EML6: variants seen among roughly 807,000 people sequenced by gnomAD.
The protein encoded by EML6 is EMAP like 6, also known as echinoderm microtubule-associated protein-like 6.
Under a neutral mutation model 240.1 loss-of-function variants are expected in EML6, and 154 were observed. That is an observed-to-expected ratio of 0.64 (90% CI 0.56 to 0.73). EML6 has a LOEUF of 0.73. Among genes scored for constraint, EML6 ranks in the 30% least tolerant of loss-of-function variants. EML6 has a pLI of 0.00. For missense variants in EML6, 2,964 were observed against 2,474.6 expected, an observed-to-expected ratio of 1.20 and a Z score of -4.20; for synonymous variants, 1,148 against 899.0, an observed-to-expected ratio of 1.28 and a Z score of -4.95.
chr2:54,806,027 TTC>T lies in EML6; in HGVS notation c.198-7203_198-7202del, dbSNP rs536477455. Among the ~76,000 whole-genome samples the T allele has an allele frequency of 1.4e-4, 22 of 152,336 alleles. No homozygotes were observed. In the South Asian group the frequency reaches 4.6e-3, roughly 32 times the overall value. ...TTGTATGTCTATCCTTATAGCAATA[TTC>T]TGTCTTAATTCCTTTTAATAAAGAC... is the stretch of plus-strand genomic sequence containing the variant. On this transcript the variant is annotated intron_variant, in intron 2 of 41. Coordinates refer to ENST00000356458, the MANE Select transcript of EML6 (RefSeq NM_001039753.4).
At chr2:54,788,159 C>A (rs1369968819) in intron 2 of EML6, among the ~76,000 whole-genome samples, 3 of 152,338 alleles carry the variant, frequency 2.0e-5, no homozygotes, top group East Asian at 1.9e-4. Flanking sequence ...AGGCTTAGGT[C>A]GCCAGGTTCT....
intron 2 of EML6, among the ~76,000 whole-genome samples, chr2:54,752,952 C>A (rs1345847523): frequency 6.6e-6 from 1 of 152,188 alleles, no homozygotes; most frequent in Non-Finnish European, 1.5e-5. Context: ...CCACACCCAG[C>A]TAATTTTTGG....
At position 54,765,049 on chromosome 2, in the gene EML6, A is replaced by AT. The variant is rs370809295; in HGVS notation, c.197+39800dup. Among the ~76,000 whole-genome samples, 101 of 151,504 alleles carry AT rather than the reference A, an allele frequency of 6.7e-4. 1 individual carries two copies. Among genetic ancestry groups the AT allele is most frequent in the Non-Finnish European group, 1.3e-3 (85 of 67,834 alleles). The stretch of plus-strand genomic sequence containing the variant: ...TTTCCTCTCTTTTGCCTACATTAGA[A>AT]TTTTTTTTTCTTTATTTCCCACTTT... On this transcript the variant is annotated intron_variant, in intron 2 of 41. Transcript: ENST00000356458.
rs114857984 is a variant in EML6 at position 54,792,447 on chromosome 2, C to T, written c.198-20785C>T. On this transcript the variant is annotated intron_variant, in intron 2 of 41. Transcript: ENST00000356458. ...GGCATCCGATGCCCCTGCAATCTCA[C>T]TCCTAGATATCTGACCAAGTGGAAA... 3.4e-3 allele frequency among the ~76,000 whole-genome samples: 515 copies of T among 152,332 alleles called. 3 individuals are homozygous for T. The highest frequency in any genetic ancestry group is 4.6e-3 in the Non-Finnish European group (315 of 68,036).
Position 54,895,375 on chromosome 2 carries a change from G to C in EML6, c.2957G>C (p.Ser986Thr). ...GGAGAGATTCTGGAAATTGATAAGA[G>C]TGGCCCAATGACACTGCTTGTTCAG... ...KNGEILEIDK[S>T]GPMTLLVQGH... is the part of the protein sequence containing the mutation. The change falls in exon 21 of 42, where the codon AGT (serine) becomes ACT (threonine). Residue 986 changes from serine (S) to threonine (T), a missense_variant. Ser to Thr is a moderately conservative substitution (Grantham distance 58). Transcript: ENST00000356458. 6.4e-7 allele frequency: 1 copy of C among 1,552,018 alleles called. No individual in the cohort carries two copies. Among genetic ancestry groups the C allele is most frequent in the Non-Finnish European group, 8.7e-7 (1 of 1,146,986 alleles).
intron 28 of EML6, among the ~76,000 whole-genome samples, chr2:54,937,615 A>C: frequency 6.7e-6 from 1 of 148,320 alleles, no homozygotes; most frequent in South Asian, 2.1e-4. Context: ...CTTAAATTAT[A>C]TTGCCTTAGC....
chr2:54,848,722 G>A (rs1212843918), intron 9 of EML6, among the ~76,000 whole-genome samples: 1 of 152,154 alleles, frequency 6.6e-6, no homozygotes, highest in Non-Finnish European at 1.5e-5. Flanking sequence ...CCTGCTAGTT[G>A]TCATAATCCT....
intron 7 of EML6, among the ~76,000 whole-genome samples, chr2:54,840,634 G>A (rs1669394675): frequency 6.6e-6 from 1 of 152,120 alleles, no homozygotes; most frequent in Non-Finnish European, 1.5e-5. Flanking sequence ...TAACAAGGGT[G>A]GTATCTTTTA....
rs569112439 is a variant in EML6 at position 54,961,035 on chromosome 2, C to T, written c.4968+701C>T. ...TAAGAATTTGCTTTCTAGATGCTGT[C>T]CATGAAAAAGGCAAACTGGATATGG... On this transcript the variant is annotated intron_variant, in intron 35 of 41. Coordinates refer to ENST00000356458, the MANE Select transcript of EML6 (RefSeq NM_001039753.4). 2.6e-5 allele frequency among the ~76,000 whole-genome samples: 4 copies of T among 151,804 alleles called. No individual in the cohort carries two copies. In the South Asian group the frequency reaches 6.2e-4, roughly 24 times the overall value.
intron 19 of EML6, among the ~76,000 whole-genome samples, chr2:54,893,495 G>C (rs1322143782): frequency 6.6e-6 from 1 of 152,150 alleles, no homozygotes; most frequent in Non-Finnish European, 1.5e-5. Context: ...TCATGGTCTA[G>C]TCAACTCTGA....
At chr2:54,814,726 A>G (rs558020034) in intron 3 of EML6, among the ~76,000 whole-genome samples, 67 of 152,320 alleles carry the variant, frequency 4.4e-4, no homozygotes, top group African/African-American at 1.6e-3. Flanking sequence ...ACTTTTGAAA[A>G]ACAATTAGCA....
At chr2:54,766,786 AAT>A (rs1041646067) in intron 2 of EML6, among the ~76,000 whole-genome samples, 1 of 152,150 alleles carries the variant, frequency 6.6e-6, no homozygotes, top group African/African-American at 2.4e-5. Flanking sequence ...TGTTATTTTG[AAT>A]ATATATGTCC....
intron 17 of EML6, among the ~76,000 whole-genome samples, chr2:54,888,363 C>T (rs950242203): frequency 1.3e-5 from 2 of 152,212 alleles, no homozygotes; most frequent in African/African-American, 4.8e-5. Flanking sequence ...GGTGATGTAA[C>T]TTGCAACCTG....
chr2:54,947,013 C>T (rs1675727087), intron 28 of EML6, among the ~76,000 whole-genome samples: 1 of 151,726 alleles, frequency 6.6e-6, no homozygotes, highest in African/African-American at 2.4e-5. Flanking sequence ...TGTACGCATA[C>T]TCTATATTCA....
chr2:54,908,348 C>G (rs1269310715), intron 24 of EML6, among the ~76,000 whole-genome samples: 1 of 151,940 alleles, frequency 6.6e-6, no homozygotes, highest in East Asian at 1.9e-4. Context: ...CAGCTGAGAC[C>G]ACAGGTGCCT....
chr2:54,751,091 T>C (rs961255719), intron 2 of EML6, among the ~76,000 whole-genome samples: 2 of 152,226 alleles, frequency 1.3e-5, no homozygotes, highest in Admixed American at 6.5e-5. Flanking sequence ...CAGGAAACAA[T>C]AGATCCCTGC....
At position 54,899,564 on chromosome 2, in the gene EML6, T is replaced by C. The variant is rs538382196; in HGVS notation, c.2983-77T>C. ...TTTTTTGTGGTACTCTTGGACTGAA[T>C]ATGTAGCACCAGGCTAAAGAAGGGC... On this transcript the variant is annotated intron_variant, in intron 21 of 41. Coordinates refer to ENST00000356458, the MANE Select transcript of EML6 (RefSeq NM_001039753.4). 2.2e-5 allele frequency: 31 copies of C among 1,425,916 alleles called. No homozygotes were observed. The East Asian group carries it at 7.6e-4, about 35-fold the overall frequency. 88.3% of individuals were successfully genotyped at this position (1,425,916 alleles called of 1,614,324 possible).
In EML6 at chr2:54,756,636, C is replaced by G. The variant is rs181151771; in HGVS notation, c.197+31378C>G. Among the ~76,000 whole-genome samples the G allele has an allele frequency of 3.2e-3, 484 of 150,128 alleles. 2 individuals are homozygous for G. Among genetic ancestry groups the G allele is most frequent in the African/African-American group, 0.012 (461 of 39,762 alleles). The stretch of plus-strand genomic sequence containing the variant: ...TTTTTATAAATGATGTTCTCAGGAG[C>G]ATTTTTTTCTACAAAAAGCCTTTTT... On this transcript the variant is annotated intron_variant, in intron 2 of 41. Transcript: ENST00000356458.
At chr2:54,825,966 T>C (rs1322737720) in intron 5 of EML6, among the ~76,000 whole-genome samples, 1 of 152,230 alleles carries the variant, frequency 6.6e-6, no homozygotes, top group East Asian at 1.9e-4. Flanking sequence ...TCCTCACTGC[T>C]GATCCAAGTC....
Sources: gnomAD v4.1 joint callset for allele counts (sites outside exome capture counted in the v4.1 genomes callset) on GRCh38, gnomAD v4.1.1 for gene constraint, MANE v1.5 for transcripts, NCBI Gene and HGNC (gene_info 2026-07-23, HGNC 2026-07-21) for gene names.